Variants in CCDC88A observed in about 807,000 individuals in gnomAD.
The protein encoded by CCDC88A is girdin.
Under a neutral mutation model 234.3 loss-of-function variants are expected in CCDC88A, and 54 were observed. That is an observed-to-expected ratio of 0.23 (90% CI 0.19 to 0.29). The LOEUF (loss-of-function observed/expected upper bound fraction) is 0.29, where lower values mean the gene tolerates loss of function less well. CCDC88A is among the 10% of genes least tolerant of loss of function. CCDC88A has a pLI of 1.00. For synonymous variants in CCDC88A, 753 were observed against 737.8 expected, an observed-to-expected ratio of 1.02 and a Z score of -0.33; for missense variants, 1,832 against 2,123.4, an observed-to-expected ratio of 0.86 and a Z score of 2.70.
At chr2:55,348,150 C>T (rs943524359) in intron 9 of CCDC88A, among the ~76,000 whole-genome samples, 2 of 151,250 alleles carry the variant, frequency 1.3e-5, no homozygotes, top group African/African-American at 2.4e-5. Flanking sequence ...TTTTTTGTAG[C>T]GATGAGGTTT....
At chr2:55,294,400 C>T in intron 31 of CCDC88A, 1 of 924,492 alleles carries the variant, frequency 1.1e-6, no homozygotes, top group Non-Finnish European at 1.3e-6. Flanking sequence ...AAGAATAACA[C>T]TAAGTTTATA....
chr2:55,334,784 C>G lies in CCDC88A; in HGVS notation c.2037G>C (p.Leu679Phe), dbSNP rs1184611913. Residue 679 changes from leucine (L) to phenylalanine (F), a missense_variant, in exon 15 of 33, where the codon TTG (leucine) becomes TTC (phenylalanine). Leu to Phe is a conservative substitution (Grantham distance 22, BLOSUM62 0). Coordinates refer to ENST00000436346, the MANE Select transcript of CCDC88A (RefSeq NM_001365480.1). This position sits in a 1 kb window ranked among gnomAD's most constrained non-coding sequence, Gnocchi z 6.1. ...ERENRKLKKT[L>F]DSFKNLTFQL... ...GAAAGGTCAGATTTTTAAAGCTATC[C>G]AATGTTTTTTTTAATTTTCTATTTT... 1.3e-6 allele frequency: 2 copies of G among 1,591,082 alleles called. No homozygotes were observed. Among genetic ancestry groups the G allele is most frequent in the African/African-American group, 2.7e-5 (2 of 73,304 alleles).
intron 2 of CCDC88A, chr2:55,417,332 CA>C (rs1681661228): frequency 6.6e-6 from 1 of 151,994 alleles, no homozygotes; most frequent in African/African-American, 2.4e-5. Context: ...AAAATAAGCA[CA>C]ATAAAGAGAC....
chr2:55,330,372 C>T (rs1261981000), intron 16 of CCDC88A, among the ~76,000 whole-genome samples: 4 of 151,978 alleles, frequency 2.6e-5, no homozygotes, highest in Admixed American at 2.0e-4. Flanking sequence ...ACTTGGGAGG[C>T]TCAGGCAGGA....
chr2:55,319,021 C>G lies in CCDC88A; in HGVS notation c.3163-17G>C. 4 of 1,601,480 alleles carry G rather than the reference C, an allele frequency of 2.5e-6. No homozygotes were observed. The highest frequency in any genetic ancestry group is 3.4e-6 in the Non-Finnish European group (4 of 1,172,050). ...TGTAGCATTCTTGAAAAACAAAAAC[C>G]AAAACCAAACATATTAACAATAATG... On this transcript the variant is annotated splice_polypyrimidine_tract_variant and intron_variant, in intron 18 of 32. Transcript: ENST00000436346.
intron 2 of CCDC88A, among the ~76,000 whole-genome samples, chr2:55,390,655 T>C (rs1676492583): frequency 6.6e-6 from 1 of 152,216 alleles, no homozygotes; most frequent in Admixed American, 6.6e-5. Flanking sequence ...AGCTAGGTTC[T>C]CTCTAGTAAG....
At chr2:55,366,534 T>TACATAC (rs1671982365) in intron 5 of CCDC88A, among the ~76,000 whole-genome samples, 1 of 127,638 alleles carries the variant, frequency 7.8e-6, no homozygotes, top group Admixed American at 8.1e-5. Context: ...CACACACACA[T>TACATAC]ACACACACAC....
At position 55,288,269 on chromosome 2, in the gene CCDC88A, T is replaced by G. The variant is rs1054181931; in HGVS notation, c.*2931A>C. On this transcript the variant is annotated 3_prime_UTR_variant, in exon 33 of 33. Transcript: ENST00000436346. ...TTTTCATTGTCCAAATATCTCAACA[T>G]GTACATCAAGGTTTATATTATAAAA... The G allele has an allele frequency of 2.0e-5, 3 of 152,664 alleles. No individual in the cohort carries two copies. The highest frequency in any genetic ancestry group is 2.0e-4 in the Admixed American group (3 of 15,280). 9.5% of individuals were successfully genotyped at this position (152,664 alleles called of 1,614,324 possible).
At chr2:55,298,998 A>G (rs1680552605) in intron 29 of CCDC88A, among the ~76,000 whole-genome samples, 1 of 152,068 alleles carries the variant, frequency 6.6e-6, no homozygotes, top group African/African-American at 2.4e-5. Flanking sequence ...TCAGGAGTTC[A>G]AGACCAGCCT....
chr2:55,345,126 G>C (rs1044629652), intron 10 of CCDC88A, among the ~76,000 whole-genome samples: 1 of 152,152 alleles, frequency 6.6e-6, no homozygotes, highest in African/African-American at 2.4e-5. Context: ...AGTATACTAA[G>C]ACAGTGGTAT....
chr2:55,399,567 T>G (rs1678250867), intron 2 of CCDC88A: 1 of 150,692 alleles, frequency 6.6e-6, no homozygotes, highest in Non-Finnish European at 1.5e-5. Context: ...AGAACTGAAC[T>G]GAGATATGAG....
At chr2:55,360,466 G>A (rs776406104) in intron 7 of CCDC88A, among the ~76,000 whole-genome samples, 4 of 152,180 alleles carry the variant, frequency 2.6e-5, no homozygotes, top group Admixed American at 1.3e-4. Context: ...AAAATTTCCC[G>A]GATAACTGGA....
Position 55,390,045 on chromosome 2 carries a change from A to T in CCDC88A, c.165-1159T>A, listed in dbSNP as rs548705710. 4.9e-5 allele frequency among the ~76,000 whole-genome samples: 7 copies of T among 142,692 alleles called. 1 individual carries two copies. The highest frequency in any genetic ancestry group is 1.5e-4 in the African/African-American group (6 of 38,940). The allele number at this position is 142,692 out of a possible 152,430, so 93.6% of individuals were successfully genotyped here. A position where few individuals can be genotyped will look rare whatever the true frequency, so the allele number is the denominator to read the frequency against. On this transcript the variant is annotated intron_variant, in intron 2 of 32. Transcript: ENST00000436346. ...TACAGAGCGAGACTCAAAAAAAAAA[A>T]AAAATAAAAAATAAAGATAGAACAT...
At chr2:55,382,125 T>C (rs1674699100) in intron 3 of CCDC88A, among the ~76,000 whole-genome samples, 1 of 152,224 alleles carries the variant, frequency 6.6e-6, no homozygotes, top group Non-Finnish European at 1.5e-5. Context: ...AACATTTGTT[T>C]TATAACACAC....
At chr2:55,344,340 T>C (rs1668848032) in intron 11 of CCDC88A, 28 bp downstream of exon 11, 1 of 1,504,622 alleles carries the variant, frequency 6.6e-7, no homozygotes, top group Admixed American at 2.1e-5. Flanking sequence ...TTAAAGGCCA[T>C]GTAACTGATC....
Position 55,419,415 on chromosome 2 carries a change from C to A in CCDC88A, c.-336G>T. The stretch of plus-strand genomic sequence containing the variant: ...AGACAAAAAGCCCGTCAAGGTTGTC[C>A]AGCTCCTGGAGGATCCAGACCAGCG... On this transcript the variant is annotated 5_prime_UTR_variant, in exon 1 of 33. Transcript: ENST00000436346. 3.2e-6 allele frequency: 1 copy of A among 311,534 alleles called. No homozygotes were observed. The highest frequency in any genetic ancestry group is 6.1e-6 in the Non-Finnish European group (1 of 164,372). 19.3% of individuals were successfully genotyped at this position (311,534 alleles called of 1,614,324 possible). A position where few individuals can be genotyped will look rare whatever the true frequency, so the allele number is the denominator to read the frequency against.
chr2:55,360,005 G>C (rs1303929539), intron 7 of CCDC88A, among the ~76,000 whole-genome samples: 1 of 152,108 alleles, frequency 6.6e-6, no homozygotes, highest in Non-Finnish European at 1.5e-5. Flanking sequence ...GATCTGGCAA[G>C]TTACTTAACT....
At chr2:55,397,530 A>AT (rs1369733268) in intron 2 of CCDC88A, among the ~76,000 whole-genome samples, 131 of 145,596 alleles carry the variant, frequency 9.0e-4, no homozygotes, top group South Asian at 3.6e-3. Flanking sequence ...CATAATTTGG[A>AT]TAATCCAAAT....
chr2:55,396,574 A>T (rs1677596431), intron 2 of CCDC88A, among the ~76,000 whole-genome samples: 1 of 151,306 alleles, frequency 6.6e-6, no homozygotes, highest in African/African-American at 2.4e-5. Flanking sequence ...AGTCTGACTT[A>T]AAAAAAAAGG....
Sources: gnomAD v4.1 joint callset for allele counts (sites outside exome capture counted in the v4.1 genomes callset) on GRCh38, gnomAD v4.1.1 for gene constraint, Gnocchi (gnomAD v3.1) non-coding constraint, MANE v1.5 for transcripts, NCBI Gene and HGNC (gene_info 2026-07-23, HGNC 2026-07-21) for gene names.